Variants in CELSR1 observed in about 807,000 individuals in gnomAD.
The protein encoded by CELSR1 is adhesion G protein-coupled receptor C1.
In CELSR1, 110 loss-of-function variants were observed where a neutral mutation model predicts 249.1. The ratio of observed to expected loss-of-function variants is 0.44; its 90% CI spans 0.38 to 0.52. The LOEUF (loss-of-function observed/expected upper bound fraction) is 0.52, where lower values mean the gene tolerates loss of function less well. Among genes scored for constraint, CELSR1 ranks in the 20% least tolerant of loss-of-function variants. CELSR1 has a pLI of 0.00. For synonymous variants in CELSR1, 2,113 were observed against 1,900.0 expected (o/e 1.11, Z -2.92); for missense variants, 4,109 against 4,296.4 (o/e 0.96, Z 1.22).
intron 30 of CELSR1, 30 bp downstream of exon 30, chr22:46,366,356 A>T: frequency 4.7e-6 from 7 of 1,488,880 alleles, no homozygotes; most frequent in Non-Finnish European, 6.3e-6. Context: ...TTCGAGAGCC[A>T]CCTCCCCGAA....
Position 46,526,723 on chromosome 22 carries a change from C to T in CELSR1, c.3544+6904G>A, listed in dbSNP as rs570033309. On this transcript the variant is annotated intron_variant, in intron 1 of 34. Transcript: ENST00000674500. The surrounding 1 kb of genome is among the most constrained non-coding windows in gnomAD (Gnocchi z 4.7). ...CAGCTCCCAAGCAGACTGTTCCCCA[C>T]CCAGGAGGCTATTCGGGCCATGGCT... Among the ~76,000 whole-genome samples, 3 of 152,306 alleles carry T rather than the reference C, an allele frequency of 2.0e-5. No individual in the cohort carries two copies. In the South Asian group the frequency reaches 6.2e-4, roughly 32 times the overall value.
chr22:46,386,611 C>T, intron 18 of CELSR1, 26 bp from the exon 19 acceptor site: 1 of 1,541,914 alleles, frequency 6.5e-7, no homozygotes, highest in Non-Finnish European at 8.7e-7. Flanking sequence ...GCACTCAGTA[C>T]TCAGCCTGCG....
rs1460161671 is a variant in CELSR1, at chr22:46,363,268, G to C, written c.9036-21C>G. On this transcript the variant is annotated intron_variant, in intron 34 of 34. Coordinates refer to ENST00000674500, the MANE Select transcript of CELSR1 (RefSeq NM_001378328.1). This position sits in a 1 kb window ranked among gnomAD's most constrained non-coding sequence, Gnocchi z 4.3. ...TGCCTCTGCGCGTGGGAAGAAGCCA[G>C]CAAGCAGGTGAAGGGTCAGTGAGGG... is the stretch of plus-strand genomic sequence containing the variant. The C allele has an allele frequency of 5.6e-6, 9 of 1,605,210 alleles. No individual in the cohort carries two copies. Among genetic ancestry groups the C allele is most frequent in the African/African-American group, 1.3e-5 (1 of 74,712 alleles).
At chr22:46,453,912 C>A (rs1053341557) in intron 2 of CELSR1, among the ~76,000 whole-genome samples, 6 of 152,266 alleles carry the variant, frequency 3.9e-5, no homozygotes, top group Admixed American at 3.9e-4. Context: ...CCAGGAGCAG[C>A]CGGGGTTGTT....
rs573500439 is a variant in CELSR1, at chr22:46,411,349, C to T, written c.4769+253G>A. Among the ~76,000 whole-genome samples, 3 of 152,284 alleles carry T rather than the reference C, an allele frequency of 2.0e-5. No homozygotes were observed. Among genetic ancestry groups the T allele is most frequent in the South Asian group, 2.1e-4 (1 of 4,820 alleles). ...GTGGAGATGGGGCTGGAGACCGTCT[C>T]GGGGTCTGCAAGCTGGCCATCACAA... On this transcript the variant is annotated intron_variant, in intron 6 of 34. Transcript: ENST00000674500. This position sits in a 1 kb window ranked among gnomAD's most constrained non-coding sequence, Gnocchi z 4.2.
intron 1 of CELSR1, among the ~76,000 whole-genome samples, chr22:46,474,532 T>TTTACACATATG (rs2080187714): frequency 6.6e-6 from 1 of 152,202 alleles, no homozygotes; most frequent in African/African-American, 2.4e-5. Context: ...CTCAAATAAG[T>TTTACACATATG]GTATTTAATA....
At position 46,381,474 on chromosome 22, in the gene CELSR1, C is replaced by A. The variant is rs527725082; in HGVS notation, c.7088+372G>T. ...ATTCATCCTTTCCAGCCAGGACTAGCTGAGCAGACCTAACCCCGGGGCCAG... is the reference window on the plus strand; with the variant it reads ...ATTCATCCTTTCCAGCCAGGACTAGATGAGCAGACCTAACCCCGGGGCCAG... On this transcript the variant is annotated intron_variant, in intron 21 of 34. Transcript: ENST00000674500. The surrounding 1 kb of genome is among the most constrained non-coding windows in gnomAD (Gnocchi z 6.0). 1.6e-4 allele frequency among the ~76,000 whole-genome samples: 24 copies of A among 152,194 alleles called. No individual in the cohort carries two copies. Among genetic ancestry groups the A allele is most frequent in the Non-Finnish European group, 2.6e-4 (18 of 68,032 alleles).
At chr22:46,439,590 G>C (rs1249463181) in intron 2 of CELSR1, among the ~76,000 whole-genome samples, 179 bp from the exon 3 acceptor site, 1 of 152,146 alleles carries the variant, frequency 6.6e-6, no homozygotes, top group Non-Finnish European at 1.5e-5. Context: ...TCAAGGACTT[G>C]CCCAGAGCCG....
intron 1 of CELSR1, among the ~76,000 whole-genome samples, chr22:46,532,046 T>C (rs1414760015): frequency 6.6e-6 from 1 of 152,122 alleles, no homozygotes; most frequent in Non-Finnish European, 1.5e-5. Context: ...GGAACCAACC[T>C]CCTTGGAAGG....
chr22:46,386,446 C>T lies in CELSR1; in HGVS notation c.6695G>A (p.Arg2232Gln), dbSNP rs140493565. The T allele has an allele frequency of 1.4e-5, 23 of 1,599,960 alleles. No individual in the cohort carries two copies. Among genetic ancestry groups the T allele is most frequent in the African/African-American group, 6.7e-5 (5 of 74,438 alleles). ...GACGAAGGGCCGCAGGTACGTCCGC[C>T]GCACGTTGCGTGCCACGTTGCTGAA... The part of the protein sequence containing the change: ...GYFSNVARNV[R>Q]RTYLRPFVIV... The change falls in exon 19 of 35, where the codon CGG (arginine) becomes CAG (glutamine). Residue 2232 changes from arginine (R) to glutamine (Q), a missense_variant. This residue lies in a region of CELSR1 where 1,805 missense variants were observed against 1,831.6 expected (regional missense o/e 0.99). Coordinates refer to ENST00000674500, the MANE Select transcript of CELSR1 (RefSeq NM_001378328.1).
intron 1 of CELSR1, among the ~76,000 whole-genome samples, chr22:46,482,191 G>C (rs956671810): frequency 6.6e-6 from 1 of 152,244 alleles, no homozygotes; most frequent in South Asian, 2.1e-4. Flanking sequence ...TATGCCACAT[G>C]GCACAGGGGC....
Position 46,536,797 on chromosome 22 carries a change from G to C in CELSR1, c.374C>G (p.Ala125Gly). Residue 125 changes from alanine (A) to glycine (G), a missense_variant, in exon 1 of 35, where the codon GCC becomes GGC. Around this residue, in one of 7 missense-constraint regions of CELSR1, gnomAD observed 673 missense variants for 636.8 expected, o/e 1.06. Transcript: ENST00000674500. ...GARARLCGTG[A>G]RLCGALCFPV... is the part of the protein sequence containing the mutation. ...GAAGCAGAGCGCCCCGCAGAGCCGG[G>C]CACCGGTTCCGCAGAGCCGGGCACG... The C allele has an allele frequency of 8.4e-7, 1 of 1,194,848 alleles. No homozygotes were observed. The highest frequency in any genetic ancestry group is 1.0e-6 in the Non-Finnish European group (1 of 965,884). 74.0% of individuals were successfully genotyped at this position (1,194,848 alleles called of 1,614,324 possible).
At chr22:46,479,181 C>T (rs938754834) in intron 1 of CELSR1, among the ~76,000 whole-genome samples, 2 of 151,864 alleles carry the variant, frequency 1.3e-5, no homozygotes, top group South Asian at 2.1e-4. Flanking sequence ...CATCCGCCGA[C>T]GGACGCTCCC....
intron 17 of CELSR1, among the ~76,000 whole-genome samples, chr22:46,389,759 T>C (rs2079069498): frequency 6.6e-6 from 1 of 151,524 alleles, no homozygotes; most frequent in African/African-American, 2.4e-5. Flanking sequence ...CTACTCTCTA[T>C]TTTGAAAATA....
In CELSR1 at chr22:46,380,434, C is replaced by T. The variant is rs2078964995; in HGVS notation, c.7256+354G>A. ...CCGTGTGTGACCGGAATGGGCCTGT[C>T]TTATCCGGCGGTGAACTGGGCACTA... On this transcript the variant is annotated intron_variant, in intron 22 of 34. Transcript: ENST00000674500. This position sits in a 1 kb window ranked among gnomAD's most constrained non-coding sequence, Gnocchi z 5.1. 6.6e-6 allele frequency among the ~76,000 whole-genome samples: 1 copy of T among 152,216 alleles called. No homozygotes were observed. The highest frequency in any genetic ancestry group is 6.5e-5 in the Admixed American group (1 of 15,284).
chr22:46,453,193 C>A (rs992296297), intron 2 of CELSR1, among the ~76,000 whole-genome samples: 1 of 152,190 alleles, frequency 6.6e-6, no homozygotes, highest in Non-Finnish European at 1.5e-5. Context: ...GGCAGCTGTG[C>A]ACAGCAGGGC....
In CELSR1 at chr22:46,364,166, G is replaced by A. The variant is rs748197540; in HGVS notation, c.8865C>T (p.Ala2955=). The change falls in exon 34 of 35, where the codon GCC becomes GCT. Residue 2955 remains alanine (A), a synonymous_variant. Coordinates refer to ENST00000674500, the MANE Select transcript of CELSR1 (RefSeq NM_001378328.1). ...AGGATGTGGGGCTCTGCTCACAGTC[G>A]GCCAGCTTCTCCCGGAGCCGGCCCT... ...TLKGRLREKL[A]DCEQSPTSSR... is the part of the protein sequence containing the mutation. 37 of 1,612,116 alleles carry A rather than the reference G, an allele frequency of 2.3e-5. No homozygotes were observed. The highest frequency in any genetic ancestry group is 5.0e-5 in the Admixed American group (3 of 59,970).
intron 1 of CELSR1, among the ~76,000 whole-genome samples, chr22:46,485,823 G>GA (rs1189373152): frequency 6.6e-6 from 1 of 151,958 alleles, no homozygotes; most frequent in African/African-American, 2.4e-5. Context: ...CTGCAAACGT[G>GA]AACCCGTTTT....
chr22:46,367,908 C>T, intron 27 of CELSR1, 53 bp from the exon 28 acceptor site: 1 of 1,551,142 alleles, frequency 6.4e-7, no homozygotes, highest in Non-Finnish European at 8.7e-7. Context: ...TGCTCCCTTC[C>T]TCCCTCCCTC....
Sources: allele counts gnomAD v4.1 joint callset (sites outside exome capture counted in the v4.1 genomes callset), GRCh38; gene constraint gnomAD v4.1.1; regional missense constraint gnomAD v4.1.1; non-coding constraint Gnocchi (gnomAD v3.1); transcripts MANE v1.5; gene names NCBI Gene and HGNC (gene_info 2026-07-23, HGNC 2026-07-21).